PLSCR1: variants seen among roughly 807,000 people sequenced by gnomAD.
The protein encoded by PLSCR1 is PL scramblase 1.
A neutral mutation model predicts 37.8 loss-of-function variants in PLSCR1; 17 were observed. That is an observed-to-expected ratio of 0.45 (90% CI 0.31 to 0.68). The LOEUF (loss-of-function observed/expected upper bound fraction) is 0.68. PLSCR1 is among the 30% of genes least tolerant of loss of function. The pLI, the probability that PLSCR1 is intolerant of heterozygous loss-of-function variation, is 0.06. For missense variants in PLSCR1, 347 were observed against 380.9 expected, an observed-to-expected ratio of 0.91 and a Z score of 0.74; for synonymous variants, 116 against 125.9, an observed-to-expected ratio of 0.92 and a Z score of 0.53.
At position 146,517,127 on chromosome 3, in the gene PLSCR1, G is replaced by A; in HGVS notation, c.779C>T (p.Ser260Phe). The change falls in exon 8 of 9, where the codon TCC (serine) becomes TTC (phenylalanine). Residue 260 changes from serine (S) to phenylalanine (F), a missense_variant. Transcript: ENST00000342435. Reference protein sequence around the residue: ...LDEQCVVGKISKHWTGILREA... With the variant: ...LDEQCVVGKIFKHWTGILREA... Reference sequence around the variant, plus strand: ...TCTCAAAATTCCAGTCCAGTGCTTGGAAATTTTGCCAACCACACACTGTTC... The same window carrying A: ...TCTCAAAATTCCAGTCCAGTGCTTGAAAATTTTGCCAACCACACACTGTTC... The A allele has an allele frequency of 6.3e-7, 1 of 1,590,790 alleles. No individual in the cohort carries two copies. The highest frequency in any genetic ancestry group is 8.6e-7 in the Non-Finnish European group (1 of 1,169,586).
intron 8 of PLSCR1, chr3:146,516,405 T>C (rs763929467): frequency 1.7e-4 from 40 of 241,254 alleles, no homozygotes; most frequent in Non-Finnish European, 2.9e-4. Flanking sequence ...TTTGGCTGCA[T>C]ACTGGAATCA....
Position 146,536,540 on chromosome 3 carries a change from T to C in PLSCR1, c.13A>G (p.Asn5Asp). 7.1e-7 allele frequency: 1 copy of C among 1,412,164 alleles called. No individual in the cohort carries two copies. The highest frequency in any genetic ancestry group is 1.0e-6 in the Non-Finnish European group (1 of 996,482). The allele number at this position is 1,412,164 out of a possible 1,614,324, so 87.5% of individuals were successfully genotyped here. The change falls in exon 2 of 9, where the codon AAC (asparagine) becomes GAC (aspartate). Residue 5 changes from asparagine (N) to aspartate (D), a missense_variant and splice_region_variant. Physicochemically the swap from Asn to Asp is conservative, Grantham distance 23. Transcript: ENST00000342435. ...TAAACATTTAAAATAAATTACTTAC[T>C]TTGTTTGTCCATGATTAAAACAGTT... MDKQ[N>D]SQMNASHPET...
At chr3:146,524,121 A>G (rs970617575) in intron 5 of PLSCR1, among the ~76,000 whole-genome samples, 1 of 152,188 alleles carries the variant, frequency 6.6e-6, no homozygotes, top group African/African-American at 2.4e-5. Flanking sequence ...CAAATGTTTG[A>G]TGAGAAAAAA....
intron 1 of PLSCR1, among the ~76,000 whole-genome samples, chr3:146,539,701 T>A (rs1241541614): frequency 6.6e-6 from 1 of 152,248 alleles, no homozygotes; most frequent in Non-Finnish European, 1.5e-5. Context: ...TCTTAAAAGA[T>A]AAGTTAGTGA....
chr3:146,522,597 C>CA (rs2044041194), intron 5 of PLSCR1, among the ~76,000 whole-genome samples: 1 of 152,146 alleles, frequency 6.6e-6, no homozygotes, highest in African/African-American at 2.4e-5. Context: ...CAGGTATTGT[C>CA]CAAGGTTTCT....
chr3:146,533,518 T>G lies in PLSCR1; in HGVS notation c.46A>C (p.Asn16His), dbSNP rs2044227329. Reference protein sequence around the residue: ...SQMNASHPETNLPVGYPPQYP... With the variant: ...SQMNASHPETHLPVGYPPQYP... ...TGAGGAGGATACCCAACTGGCAAGT[T>G]TGTTTCCGGGTGAGAAGCATTCATC... The change falls in exon 3 of 9, where the codon AAC becomes CAC. Residue 16 changes from asparagine to histidine, a missense_variant. Physicochemically the swap from Asn to His is moderately conservative, Grantham distance 68 (BLOSUM62 1). Coordinates refer to ENST00000342435, the MANE Select transcript of PLSCR1 (RefSeq NM_021105.3). The G allele has an allele frequency of 6.2e-7, 1 of 1,608,512 alleles. No homozygotes were observed. The highest frequency in any genetic ancestry group is 8.5e-7 in the Non-Finnish European group (1 of 1,175,876).
In PLSCR1 at chr3:146,517,145, C is replaced by T. The variant is rs937759523; in HGVS notation, c.761G>A (p.Cys254Tyr). 1.3e-6 allele frequency: 2 copies of T among 1,554,534 alleles called. No homozygotes were observed. Among genetic ancestry groups the T allele is most frequent in the African/African-American group, 1.4e-5 (1 of 71,334 alleles). Residue 254 changes from cysteine to tyrosine, a missense_variant, in exon 8 of 9, where the codon TGT becomes TAT. Coordinates refer to ENST00000342435, the MANE Select transcript of PLSCR1 (RefSeq NM_021105.3). The stretch of plus-strand genomic sequence containing the variant: ...GTGCTTGGAAATTTTGCCAACCACA[C>T]ACTGTTCATCAAGAGATTTAATCTA... ...DFEIKSLDEQ[C>Y]VVGKISKHWT...
At chr3:146,537,387 A>G (rs540541818) in intron 1 of PLSCR1, among the ~76,000 whole-genome samples, 1 of 152,160 alleles carries the variant, frequency 6.6e-6, no homozygotes, top group African/African-American at 2.4e-5. Flanking sequence ...CTGCTACCCA[A>G]CATTTTTATC....
At chr3:146,534,015 A>G (rs994009488) in intron 2 of PLSCR1, among the ~76,000 whole-genome samples, 1 of 151,494 alleles carries the variant, frequency 6.6e-6, no homozygotes, top group African/African-American at 2.4e-5. Flanking sequence ...CAGTATTTAT[A>G]TATGTTATGC....
intron 4 of PLSCR1, chr3:146,528,347 C>T: frequency 2.2e-6 from 1 of 458,940 alleles, no homozygotes; most frequent in Non-Finnish European, 4.0e-6. Flanking sequence ...ATCAGGCATA[C>T]AACAAAGGCA....
chr3:146,519,615 C>T (rs114746458), intron 7 of PLSCR1, among the ~76,000 whole-genome samples: 1,986 of 152,120 alleles, frequency 0.013, 39 homozygotes, highest in African/African-American at 0.046. Flanking sequence ...CATTCTTTTC[C>T]TATACATAAC....
At chr3:146,526,296 A>G (rs947544779) in intron 4 of PLSCR1, among the ~76,000 whole-genome samples, 2 of 152,036 alleles carry the variant, frequency 1.3e-5, no homozygotes, top group African/African-American at 4.8e-5. Context: ...GGGAAATGAA[A>G]TCCAAACCAC....
chr3:146,522,223 A>G (rs980653721), intron 5 of PLSCR1, among the ~76,000 whole-genome samples, 170 bp from the exon 6 acceptor site: 1 of 152,130 alleles, frequency 6.6e-6, no homozygotes, highest in African/African-American at 2.4e-5. Context: ...GGCAAAAAAA[A>G]GGAGAGATTA....
chr3:146,521,886 G>A lies in PLSCR1; in HGVS notation c.523C>T (p.Leu175=), dbSNP rs1391987667. The change falls in exon 6 of 9, where the codon CTG becomes TTG. Residue 175 remains leucine (L), a synonymous_variant. Transcript: ENST00000342435. ...CTGCTACATCTTAGTGGTCTCTCCA[G>A]AGTTATGACTTCTTGACCCATATTA... ...IDNMGQEVIT[L]ERPLRCSSCC... 19 of 1,613,892 alleles carry A rather than the reference G, an allele frequency of 1.2e-5. No individual in the cohort carries two copies. Among genetic ancestry groups the A allele is most frequent in the Non-Finnish European group, 1.6e-5 (19 of 1,179,922 alleles).
rs2044022452 is a variant in PLSCR1 at position 146,521,656 on chromosome 3, G to A, written c.626C>T (p.Thr209Ile). Residue 209 changes from threonine (T) to isoleucine (I), a missense_variant, in exon 7 of 9, where the codon ACT becomes ATT. Coordinates refer to ENST00000342435, the MANE Select transcript of PLSCR1 (RefSeq NM_021105.3). ...PGVPIGYVIQTWHPCLPKFTI... is the reference protein window; with the variant it reads ...PGVPIGYVIQIWHPCLPKFTI... ...AAACTTTGGTAGACATGGGTGCCAA[G>A]TCTGAATAACATAACCTATTGGTAC... 1 of 1,613,240 alleles carries A rather than the reference G, an allele frequency of 6.2e-7. No homozygotes were observed. Among genetic ancestry groups the A allele is most frequent in the Non-Finnish European group, 8.5e-7 (1 of 1,179,370 alleles).
intron 7 of PLSCR1, among the ~76,000 whole-genome samples, chr3:146,519,347 C>T (rs1292066289): frequency 6.6e-6 from 1 of 152,042 alleles, no homozygotes; most frequent in Non-Finnish European, 1.5e-5. Context: ...AAATTTATCA[C>T]TACTCAGGAT....
chr3:146,526,035 G>T (rs2044104306), intron 4 of PLSCR1, among the ~76,000 whole-genome samples: 1 of 151,162 alleles, frequency 6.6e-6, no homozygotes, highest in Admixed American at 6.6e-5. Context: ...TACAAAAAAT[G>T]AGCTGGGTGT....
Position 146,528,844 on chromosome 3 carries a change from C to A in PLSCR1, c.95-13G>T. The A allele has an allele frequency of 1.3e-6, 2 of 1,592,442 alleles. No individual in the cohort carries two copies. The highest frequency in any genetic ancestry group is 4.5e-5 in the East Asian group (2 of 44,756). ...TATCCTGGAGGTCCTGAAATACAAA[C>A]AAGTGAAATGATTTGTAACTGCACC... On this transcript the variant is annotated splice_polypyrimidine_tract_variant and intron_variant, in intron 3 of 8. Coordinates refer to ENST00000342435, the MANE Select transcript of PLSCR1 (RefSeq NM_021105.3).
At chr3:146,526,709 T>C (rs2044121066) in intron 4 of PLSCR1, among the ~76,000 whole-genome samples, 1 of 152,034 alleles carries the variant, frequency 6.6e-6, no homozygotes, top group Non-Finnish European at 1.5e-5. Flanking sequence ...GCCATAAAAA[T>C]GAATGAAATC....
Sources: gnomAD v4.1 joint callset for allele counts (sites outside exome capture counted in the v4.1 genomes callset) on GRCh38, gnomAD v4.1.1 for gene constraint, MANE v1.5 for transcripts, NCBI Gene and HGNC (gene_info 2026-07-23, HGNC 2026-07-21) for gene names.